Variants in WDFY3 observed in about 807,000 individuals in gnomAD.
The protein encoded by WDFY3 is WD repeat and FYVE domain-containing protein 3.
In WDFY3, 66 loss-of-function variants were observed where a neutral mutation model predicts 409.6. The observed-to-expected ratio is 0.16, with a 90% CI of 0.13 to 0.20. The LOEUF (loss-of-function observed/expected upper bound fraction) is 0.20. Ranked by LOEUF, WDFY3 falls within the 10% of genes least tolerant of loss-of-function variation. The probability of loss-of-function intolerance (pLI) is 1.00; values close to 1 mark genes in which losing one functional copy is unlikely to be tolerated. For missense variants in WDFY3, 3,031 were observed against 4,298.1 expected, an observed-to-expected ratio of 0.71 and a Z score of 8.24; for synonymous variants, 1,521 against 1,537.1, an observed-to-expected ratio of 0.99 and a Z score of 0.25.
intron 40 of WDFY3, among the ~76,000 whole-genome samples, chr4:84,738,793 C>G (rs1475392482): frequency 6.6e-6 from 1 of 152,086 alleles, no homozygotes; most frequent in African/African-American, 2.4e-5. Flanking sequence ...ATACCACCAC[C>G]AAATCTCACA....
intron 3 of WDFY3, among the ~76,000 whole-genome samples, chr4:84,869,615 A>T (rs1380313463): frequency 6.6e-6 from 1 of 152,248 alleles, no homozygotes; most frequent in Non-Finnish European, 1.5e-5. Context: ...ATATAAAAGG[A>T]ATACTTATAC....
chr4:84,740,536 T>C (rs569366756), intron 38 of WDFY3, 120 bp from the exon 39 acceptor site: 1 of 909,100 alleles, frequency 1.1e-6, no homozygotes, highest in African/African-American at 1.7e-5. Flanking sequence ...AGTATGCAGG[T>C]GCTAAGTTAA....
At position 84,733,534 on chromosome 4, in the gene WDFY3, G is replaced by A; in HGVS notation, c.7069C>T (p.Leu2357=). 1 of 1,614,084 alleles carries A rather than the reference G, an allele frequency of 6.2e-7. No individual in the cohort carries two copies. The highest frequency in any genetic ancestry group is 8.5e-7 in the Non-Finnish European group (1 of 1,180,018). Residue 2357 remains leucine (L), a synonymous_variant, in exon 44 of 68, where the codon CTG becomes TTG. Transcript: ENST00000295888. ...IECELLRERG[L]WGPPIGSHLD... ...TGGGAGCCGATGGGAGGGCCCCACA[G>A]CCCCCGCTCCCTCAACAGCTCGCAC... is the stretch of plus-strand genomic sequence containing the variant.
chr4:84,871,710 C>G (rs748340232), intron 3 of WDFY3, among the ~76,000 whole-genome samples: 8 of 152,028 alleles, frequency 5.3e-5, no homozygotes, highest in Non-Finnish European at 1.0e-4. Flanking sequence ...TCCCAGCCCA[C>G]TGCAGCCTCA....
intron 36 of WDFY3, among the ~76,000 whole-genome samples, chr4:84,746,636 G>A (rs942130750): frequency 3.3e-5 from 5 of 151,850 alleles, no homozygotes; most frequent in Non-Finnish European, 7.4e-5. Flanking sequence ...CTAGTTTGAT[G>A]TTCTTACTGA....
At chr4:84,784,921 T>C (rs200739300) in intron 24 of WDFY3, among the ~76,000 whole-genome samples, 4,856 of 108,250 alleles carry the variant, frequency 0.045, 90 homozygotes, top group African/African-American at 0.066. Flanking sequence ...CACACACACA[T>C]ACACACCTTG....
chr4:84,907,058 T>C (rs1397380428), intron 2 of WDFY3, among the ~76,000 whole-genome samples: 2 of 152,188 alleles, frequency 1.3e-5, no homozygotes, highest in Non-Finnish European at 2.9e-5. Context: ...GTGGAACCTG[T>C]AGATATGGAG....
intron 3 of WDFY3, among the ~76,000 whole-genome samples, chr4:84,865,595 G>A (rs1761274814): frequency 6.6e-6 from 1 of 152,172 alleles, no homozygotes; most frequent in Non-Finnish European, 1.5e-5. Context: ...TTTCCTCTCA[G>A]TAATTTTCTA....
intron 5 of WDFY3, among the ~76,000 whole-genome samples, chr4:84,842,618 T>C (rs1258230346): frequency 6.6e-6 from 1 of 151,870 alleles, no homozygotes; most frequent in Non-Finnish European, 1.5e-5. Context: ...CCATCTCTAC[T>C]AAAAATACAA....
chr4:84,762,932 C>CTCTT, intron 32 of WDFY3, among the ~76,000 whole-genome samples: 1 of 151,926 alleles, frequency 6.6e-6, no homozygotes, highest in African/African-American at 2.4e-5. Flanking sequence ...GACCACATAA[C>CTCTT]AAGACCCAAT....
chr4:84,841,029 T>A, intron 6 of WDFY3, 125 bp downstream of exon 6: 1 of 806,136 alleles, frequency 1.2e-6, no homozygotes, highest in Non-Finnish European at 1.9e-6. Context: ...TTAAAAAAGT[T>A]AGAAGAATAC....
At chr4:84,914,532 A>C (rs1415302519) in intron 2 of WDFY3, among the ~76,000 whole-genome samples, 1 of 152,330 alleles carries the variant, frequency 6.6e-6, no homozygotes, top group East Asian at 1.9e-4. Flanking sequence ...GGCATCCCTA[A>C]GCCCTGAGTT....
At chr4:84,909,021 C>T (rs940125665) in intron 2 of WDFY3, among the ~76,000 whole-genome samples, 3 of 151,244 alleles carry the variant, frequency 2.0e-5, no homozygotes, top group Non-Finnish European at 2.9e-5. Flanking sequence ...TTCCTACGCA[C>T]GTATCCATAC....
Position 84,810,246 on chromosome 4 carries a change from T to C in WDFY3, c.1986A>G (p.Glu662=). 1 of 1,614,076 alleles carries C rather than the reference T, an allele frequency of 6.2e-7. No homozygotes were observed. Among genetic ancestry groups the C allele is most frequent in the Non-Finnish European group, 8.5e-7 (1 of 1,179,984 alleles). Residue 662 remains glutamate, a synonymous_variant, in exon 14 of 68, where the codon GAA becomes GAG. Transcript: ENST00000295888. ...VYITSLLVAM[E]RSLSCPPKNG... is the part of the protein sequence containing the mutation. ...TCTTGGGTGGACAGCTCAAAGATCT[T>C]TCCATAGCAACGAGCAAGGATGTAA...
In WDFY3 at chr4:84,828,209, GGTGA is replaced by G. The variant is rs1229704818; in HGVS notation, c.956+791_956+794del. ...GGCCCAGGAATAGCTGCTGAAAAATGGTGAGTATCTTCTTCTTAAGAAAATCTGT... is the reference window on the plus strand; with the variant it reads ...GGCCCAGGAATAGCTGCTGAAAAATGGTATCTTCTTCTTAAGAAAATCTGT... On this transcript the variant is annotated intron_variant, in intron 9 of 67. Coordinates refer to ENST00000295888, the MANE Select transcript of WDFY3 (RefSeq NM_014991.6). Among the ~76,000 whole-genome samples the G allele has an allele frequency of 4.8e-4, 73 of 152,208 alleles. 1 individual carries two copies. The Middle Eastern group carries it at 0.014, about 29-fold the overall frequency.
At chr4:84,727,034 C>A in intron 44 of WDFY3, 123 bp from the exon 45 acceptor site, 1 of 797,510 alleles carries the variant, frequency 1.3e-6, no homozygotes, top group Non-Finnish European at 2.0e-6. Flanking sequence ...ACAAAATTAA[C>A]ATGATAGCCT....
At chr4:84,693,962 G>C (rs1238134394) in intron 58 of WDFY3, among the ~76,000 whole-genome samples, 1 of 151,910 alleles carries the variant, frequency 6.6e-6, no homozygotes, top group African/African-American at 2.4e-5. Context: ...TTTGAGACAG[G>C]CATAGAGTAG....
chr4:84,833,531 T>C (rs1756069603), intron 7 of WDFY3, among the ~76,000 whole-genome samples: 2 of 151,970 alleles, frequency 1.3e-5, no homozygotes, highest in South Asian at 4.1e-4. Context: ...TAGCTAGGCA[T>C]GGTGGCAAGT....
At chr4:84,772,493 C>T (rs1029379600) in intron 30 of WDFY3, among the ~76,000 whole-genome samples, 1 of 151,996 alleles carries the variant, frequency 6.6e-6, no homozygotes, top group African/African-American at 2.4e-5. Context: ...TAGCAAGTAT[C>T]ATGTTTCTGA....
Sources: gnomAD v4.1 joint callset for allele counts (sites outside exome capture counted in the v4.1 genomes callset) on GRCh38, gnomAD v4.1.1 for gene constraint, MANE v1.5 for transcripts, NCBI Gene and HGNC (gene_info 2026-07-23, HGNC 2026-07-21) for gene names.